Variants in TENM4 observed in about 807,000 individuals in gnomAD.
The protein encoded by TENM4 is teneurin-4.
A neutral mutation model predicts 243.3 loss-of-function variants in TENM4; 82 were observed. The observed-to-expected ratio is 0.34, with a 90% confidence interval of 0.28 to 0.40. The LOEUF is 0.40. TENM4 is among the 10% of genes least tolerant of loss of function. TENM4 has a pLI of 1.00. For synonymous variants in TENM4, 1,412 were observed against 1,456.3 expected (o/e 0.97, Z 0.69); for missense variants, 3,138 against 3,673.3 (o/e 0.85, Z 3.77).
chr11:78,854,236 A>T lies in TENM4; in HGVS notation c.1549T>A (p.Ser517Thr). 6.4e-7 allele frequency: 1 copy of T among 1,551,332 alleles called. No individual in the cohort carries two copies. The change falls in exon 12 of 34, where the codon TCT becomes ACT. Residue 517 changes from serine (S) to threonine (T), a missense_variant. Around this residue, in one of 2 missense-constraint regions of TENM4, gnomAD observed 2,467 missense variants for 3,059.1 expected, o/e 0.81. Coordinates refer to ENST00000278550, the MANE Select transcript of TENM4 (RefSeq NM_001098816.3). ...CTGGAGGGGGGCACAGTTCCCCGAG[A>T]CTGGCGCGGGGTCCCCTCTAGGCTC... Reference protein sequence around the residue: ...ARSLEGTPRQSRGTVPPSSHE... With the variant: ...ARSLEGTPRQTRGTVPPSSHE...
intron 5 of TENM4, among the ~76,000 whole-genome samples, chr11:79,066,205 G>A (rs1474447905): frequency 6.6e-6 from 1 of 152,182 alleles, no homozygotes; most frequent in African/African-American, 2.4e-5. Flanking sequence ...TGCTCTGGGA[G>A]CGCAGGAGCA....
At chr11:79,159,691 C>T (rs1862700912) in intron 3 of TENM4, among the ~76,000 whole-genome samples, 1 of 152,150 alleles carries the variant, frequency 6.6e-6, no homozygotes, top group African/African-American at 2.4e-5. Context: ...CCCTACAACC[C>T]CAGTCTTGCT....
intron 1 of TENM4, among the ~76,000 whole-genome samples, chr11:79,326,475 C>T (rs143497499): frequency 1.6e-3 from 246 of 152,290 alleles, no homozygotes; most frequent in African/African-American, 5.3e-3. Context: ...TCCAAACTAA[C>T]CTCCCCCTCG....
At chr11:78,976,558 A>C (rs950311369) in intron 6 of TENM4, among the ~76,000 whole-genome samples, 2 of 152,224 alleles carry the variant, frequency 1.3e-5, no homozygotes, top group African/African-American at 4.8e-5. Flanking sequence ...TCTTGCTTGC[A>C]TTAGATTTCT....
intron 2 of TENM4, among the ~76,000 whole-genome samples, chr11:79,250,825 A>C (rs1180001997): frequency 6.6e-6 from 1 of 152,228 alleles, no homozygotes; most frequent in East Asian, 1.9e-4. Context: ...TTTTAAATCA[A>C]ATAGGTGTCT....
In TENM4 at chr11:78,768,357, G is replaced by A. The variant is rs540425101; in HGVS notation, c.2539+2635C>T. On this transcript the variant is annotated intron_variant, in intron 18 of 33. Coordinates refer to ENST00000278550, the MANE Select transcript of TENM4 (RefSeq NM_001098816.3). ...ATGATGACCCACGGGATGTCTTCCC[G>A]GCTGTTCTGAAAGTCCCATGGGACA... 7.2e-5 allele frequency among the ~76,000 whole-genome samples: 11 copies of A among 152,304 alleles called. No individual in the cohort carries two copies. In the South Asian group the frequency reaches 1.9e-3, roughly 26 times the overall value.
intron 3 of TENM4, among the ~76,000 whole-genome samples, chr11:79,192,385 A>G (rs938341001): frequency 9.2e-5 from 14 of 152,344 alleles, no homozygotes; most frequent in South Asian, 2.1e-4. Flanking sequence ...TGTAGAAAGA[A>G]GTAGACACGG....
intron 3 of TENM4, among the ~76,000 whole-genome samples, chr11:79,189,690 G>C (rs1046681124): frequency 2.6e-5 from 4 of 152,200 alleles, no homozygotes; most frequent in African/African-American, 9.7e-5. Flanking sequence ...GTGTTGTAGG[G>C]CCTCCATAAG....
intron 3 of TENM4, among the ~76,000 whole-genome samples, chr11:79,171,538 A>G (rs1485685447): frequency 6.6e-6 from 1 of 152,198 alleles, no homozygotes; most frequent in African/African-American, 2.4e-5. Context: ...GAGAGTCCCC[A>G]TAGACTGATT....
At chr11:79,374,544 C>CTATATCTA (rs1555057059) in intron 1 of TENM4, among the ~76,000 whole-genome samples, 7 of 141,912 alleles carry the variant, frequency 4.9e-5, no homozygotes, top group African/African-American at 1.7e-4. Context: ...ATATCTATAT[C>CTATATCTA]TATATATCTA....
rs574262953 is a variant in TENM4 at position 79,163,053 on chromosome 11, G to C, written c.-162-14247C>G. 8.5e-5 allele frequency among the ~76,000 whole-genome samples: 13 copies of C among 152,268 alleles called. No homozygotes were observed. The East Asian group carries it at 1.5e-3, about 18-fold the overall frequency. The stretch of plus-strand genomic sequence containing the variant: ...AAAGGTCCCTAGACCTTGTCCCTGA[G>C]TGAAGGCAGCATGTTTAATGTAGAG... On this transcript the variant is annotated intron_variant, in intron 3 of 33. Coordinates refer to ENST00000278550, the MANE Select transcript of TENM4 (RefSeq NM_001098816.3).
intron 4 of TENM4, among the ~76,000 whole-genome samples, chr11:79,083,129 G>A (rs1484226385): frequency 2.0e-5 from 3 of 152,166 alleles, no homozygotes; most frequent in African/African-American, 4.8e-5. Context: ...TATAAGTGCC[G>A]TAAAGAAAGG....
At chr11:79,020,517 C>T (rs1478558813) in intron 6 of TENM4, among the ~76,000 whole-genome samples, 1 of 152,146 alleles carries the variant, frequency 6.6e-6, no homozygotes, top group African/African-American at 2.4e-5. Flanking sequence ...GATTAAATAT[C>T]AGCCAAGCAT....
intron 19 of TENM4, among the ~76,000 whole-genome samples, chr11:78,750,411 C>T (rs1237086927): frequency 6.6e-6 from 1 of 152,192 alleles, no homozygotes; most frequent in African/African-American, 2.4e-5. Context: ...GGCCAAGTCT[C>T]CCGACTGAAA....
At chr11:79,231,093 A>C (rs1480444778) in intron 2 of TENM4, among the ~76,000 whole-genome samples, 1 of 152,350 alleles carries the variant, frequency 6.6e-6, no homozygotes, top group African/African-American at 2.4e-5. Context: ...TTATTTTATA[A>C]TTCTGCATAA....
intron 1 of TENM4, among the ~76,000 whole-genome samples, chr11:79,430,643 C>G (rs879469440): frequency 2.6e-5 from 4 of 152,236 alleles, no homozygotes; most frequent in African/African-American, 9.6e-5. Context: ...ACAATCCACA[C>G]AGCCATGAGA....
At chr11:78,818,334 C>T (rs1300991123) in intron 12 of TENM4, among the ~76,000 whole-genome samples, 5 of 152,090 alleles carry the variant, frequency 3.3e-5, no homozygotes, top group South Asian at 4.1e-4. Flanking sequence ...TATCATCTGC[C>T]GAAAAGCCTT....
At chr11:79,149,445 T>A (rs1862452707) in intron 3 of TENM4, among the ~76,000 whole-genome samples, 1 of 152,206 alleles carries the variant, frequency 6.6e-6, no homozygotes, top group Non-Finnish European at 1.5e-5. Context: ...TATTTAATAT[T>A]TCTTTGGTCA....
At chr11:78,846,308 T>G (rs1297842555) in intron 12 of TENM4, among the ~76,000 whole-genome samples, 1 of 152,242 alleles carries the variant, frequency 6.6e-6, no homozygotes, top group Non-Finnish European at 1.5e-5. Context: ...ATATATTTGA[T>G]GATTGTATTT....
Sources: allele counts gnomAD v4.1 joint callset (sites outside exome capture counted in the v4.1 genomes callset), GRCh38; gene constraint gnomAD v4.1.1; regional missense constraint gnomAD v4.1.1; transcripts MANE v1.5; gene names NCBI Gene and HGNC (gene_info 2026-07-23, HGNC 2026-07-21).